The following PRIM2 variants were observed in gnomAD, a reference collection of about 807,000 sequenced individuals.
PRIM2 encodes the protein DNA primase large subunit.
Under a neutral mutation model 67.3 loss-of-function variants are expected in PRIM2, and 39 were observed. The ratio of observed to expected loss-of-function variants is 0.58; its 90% CI spans 0.45 to 0.76. PRIM2 has a LOEUF of 0.76. PRIM2 is among the 30% of genes least tolerant of loss of function. PRIM2 has a pLI of 0.00. For synonymous variants in PRIM2, 143 were observed against 198.7 expected (o/e 0.72, Z 2.36); for missense variants, 398 against 598.7 (o/e 0.66, Z 3.50).
intron 5 of PRIM2, among the ~76,000 whole-genome samples, chr6:57,329,835 C>T (rs1767994391): frequency 6.6e-6 from 1 of 152,190 alleles, no homozygotes; most frequent in Admixed American, 6.5e-5. Flanking sequence ...TTTCAGTACT[C>T]TTAATTTTAT....
intron 7 of PRIM2, among the ~76,000 whole-genome samples, chr6:57,416,631 A>G (rs1771272966): frequency 1.3e-5 from 2 of 152,200 alleles, no homozygotes; most frequent in South Asian, 2.1e-4. Flanking sequence ...TACATTAAAA[A>G]GCTGTTGTTT....
At chr6:57,270,780 T>C in the PRIM2 span, among the ~76,000 whole-genome samples, 1 of 152,228 alleles carries the variant, frequency 6.6e-6, no homozygotes, top group Non-Finnish European at 1.5e-5. Flanking sequence ...TAGATAGCTC[T>C]TATTATTTTG....
chr6:57,557,250 G>T (rs1200868474), intron 10 of PRIM2, among the ~76,000 whole-genome samples: 1 of 143,838 alleles, frequency 7.0e-6, no homozygotes, highest in Non-Finnish European at 1.5e-5. Flanking sequence ...ACTACCATTC[G>T]ACCCAGCAAT....
At chr6:57,504,756 T>TA (rs1730392059) in intron 7 of PRIM2, among the ~76,000 whole-genome samples, 1 of 152,252 alleles carries the variant, frequency 6.6e-6, no homozygotes, top group Non-Finnish European at 1.5e-5. Flanking sequence ...CCTGGATAGA[T>TA]ATAGCTTTCT....
At chr6:57,506,010 A>C (rs1774244343) in intron 7 of PRIM2, among the ~76,000 whole-genome samples, 1 of 152,000 alleles carries the variant, frequency 6.6e-6, no homozygotes, top group South Asian at 2.1e-4. Context: ...ATTTGACATT[A>C]ACAGATAAAG....
the PRIM2 span, among the ~76,000 whole-genome samples, chr6:57,255,958 TA>T: frequency 6.6e-6 from 1 of 152,086 alleles, no homozygotes; most frequent in African/African-American, 2.4e-5. Flanking sequence ...TGAAATGCCC[TA>T]AGGGGGCTTA....
intron 7 of PRIM2, among the ~76,000 whole-genome samples, chr6:57,475,960 T>G (rs1773467945): frequency 6.6e-6 from 1 of 152,192 alleles, no homozygotes; most frequent in Non-Finnish European, 1.5e-5. Flanking sequence ...GAGAATTGTT[T>G]CTGTTTGTGA....
chr6:57,460,156 AT>A (rs5876570), intron 7 of PRIM2, among the ~76,000 whole-genome samples: 3,190 of 134,692 alleles, frequency 0.024, 103 homozygotes, highest in African/African-American at 0.074. Context: ...CCAGGGGTCT[AT>A]TTTTTTTTTT....
At chr6:57,386,573 C>T (rs2127343641) in intron 7 of PRIM2, among the ~76,000 whole-genome samples, 1 of 151,234 alleles carries the variant, frequency 6.6e-6, no homozygotes, top group African/African-American at 2.4e-5. Flanking sequence ...CAGGGCCGAG[C>T]CTGGTTGAGA....
At chr6:57,265,322 A>G in the PRIM2 span, among the ~76,000 whole-genome samples, 3 of 152,070 alleles carry the variant, frequency 2.0e-5, no homozygotes, top group African/African-American at 7.2e-5. Context: ...TTTGGGGAGG[A>G]GAAGGGACAG....
the PRIM2 span, among the ~76,000 whole-genome samples, chr6:57,276,064 T>C: frequency 6.6e-6 from 1 of 152,136 alleles, no homozygotes; most frequent in South Asian, 2.1e-4. Flanking sequence ...CAAGTAGCAG[T>C]AGCATGCTAG....
chr6:57,250,105 C>T, the PRIM2 span, among the ~76,000 whole-genome samples: 1 of 152,200 alleles, frequency 6.6e-6, no homozygotes, highest in Non-Finnish European at 1.5e-5. Flanking sequence ...AGTTTATTGA[C>T]CTAGTCCTGT....
intron 13 of PRIM2, among the ~76,000 whole-genome samples, chr6:57,638,137 A>G (rs1308999311): frequency 1.3e-5 from 2 of 152,208 alleles, no homozygotes; most frequent in Non-Finnish European, 2.9e-5. Context: ...AGAATTTCAT[A>G]TGCAGCCAAA....
the PRIM2 span, among the ~76,000 whole-genome samples, chr6:57,286,890 A>T: frequency 6.6e-6 from 1 of 152,214 alleles, no homozygotes; most frequent in South Asian, 2.1e-4. Context: ...AGAGTCTACA[A>T]GGTACTTAAA....
the PRIM2 span, among the ~76,000 whole-genome samples, chr6:57,285,426 T>C: frequency 6.6e-6 from 1 of 152,242 alleles, no homozygotes; most frequent in Non-Finnish European, 1.5e-5. Flanking sequence ...TATCCACCAC[T>C]ATCAAGTTGG....
At chr6:57,340,524 C>T (rs1464553496) in intron 5 of PRIM2, among the ~76,000 whole-genome samples, 4 of 152,094 alleles carry the variant, frequency 2.6e-5, no homozygotes, top group Non-Finnish European at 4.4e-5. Flanking sequence ...TACTATGCAG[C>T]CATAAAAAAT....
At chr6:57,229,413 C>A in the PRIM2 span, among the ~76,000 whole-genome samples, 5 of 152,034 alleles carry the variant, frequency 3.3e-5, no homozygotes, top group Non-Finnish European at 7.4e-5. Context: ...GTTAAAATTT[C>A]TTTTCTCCTG....
intron 7 of PRIM2, among the ~76,000 whole-genome samples, chr6:57,459,772 C>T (rs1200582083): frequency 6.6e-6 from 1 of 152,112 alleles, no homozygotes; most frequent in African/African-American, 2.4e-5. Flanking sequence ...GAGAGCCAGC[C>T]ATGTTATCCA....
At chr6:57,635,604 G>A (rs1171609031) in intron 13 of PRIM2, among the ~76,000 whole-genome samples, 1 of 152,146 alleles carries the variant, frequency 6.6e-6, no homozygotes, top group African/African-American at 2.4e-5. Context: ...AAATGGCTGA[G>A]CATAATTTTT....
Sources: allele counts gnomAD v4.1 joint callset (sites outside exome capture counted in the v4.1 genomes callset), GRCh38; gene constraint gnomAD v4.1.1; transcripts MANE v1.5; gene names NCBI Gene and HGNC (gene_info 2026-07-23, HGNC 2026-07-21).